The following DLG1 variants were observed in gnomAD, a reference collection of about 807,000 sequenced individuals.
DLG1 encodes disks large homolog 1.
In DLG1, 42 loss-of-function variants were observed where a neutral mutation model predicts 123.4. The ratio of observed to expected loss-of-function variants is 0.34; its 90% CI spans 0.27 to 0.44. The LOEUF (loss-of-function observed/expected upper bound fraction) is 0.44. DLG1 is among the 20% of genes least tolerant of loss of function. The probability of loss-of-function intolerance (pLI) is 1.00; values close to 1 mark genes in which losing one functional copy is unlikely to be tolerated. For missense variants in DLG1, 942 were observed against 1,082.6 expected (o/e 0.87, Z 1.82); for synonymous variants, 317 against 356.2 (o/e 0.89, Z 1.24).
intron 5 of DLG1, among the ~76,000 whole-genome samples, chr3:197,164,953 A>G (rs550787832): frequency 1.3e-5 from 2 of 152,110 alleles, no homozygotes; most frequent in African/African-American, 4.8e-5. Context: ...AAAGAAAATT[A>G]TATGAGATTA....
At chr3:197,240,667 T>A (rs1223852306) in intron 4 of DLG1, among the ~76,000 whole-genome samples, 2 of 152,068 alleles carry the variant, frequency 1.3e-5, no homozygotes, top group East Asian at 1.9e-4. Context: ...CAGGAAATTT[T>A]AAAAAGAGAT....
At chr3:197,131,172 T>C (rs561539676) in intron 10 of DLG1, among the ~76,000 whole-genome samples, 2 of 152,336 alleles carry the variant, frequency 1.3e-5, no homozygotes, top group African/African-American at 4.8e-5. Context: ...TATTCCCATA[T>C]TTAGATTGGA....
chr3:197,074,008 A>C (rs1357018645), intron 18 of DLG1, among the ~76,000 whole-genome samples: 2 of 152,102 alleles, frequency 1.3e-5, no homozygotes, highest in Non-Finnish European at 2.9e-5. Flanking sequence ...TTAACTTCAG[A>C]ATGTAAGTAA....
chr3:197,116,124 T>A, intron 12 of DLG1, 41 bp from the exon 13 acceptor site: 1 of 1,536,044 alleles, frequency 6.5e-7, no homozygotes. Flanking sequence ...AAATTTTATA[T>A]AAAACCTGAC....
intron 4 of DLG1, among the ~76,000 whole-genome samples, chr3:197,200,315 A>G (rs1724967283): frequency 6.6e-6 from 1 of 152,314 alleles, no homozygotes; most frequent in Non-Finnish European, 1.5e-5. Flanking sequence ...AATACTTATT[A>G]TTTCAGTAGT....
chr3:197,074,785 C>T (rs1204209902), intron 18 of DLG1, among the ~76,000 whole-genome samples: 2 of 151,946 alleles, frequency 1.3e-5, no homozygotes, highest in Non-Finnish European at 2.9e-5. Context: ...ACTTAAATCA[C>T]TATGGTTGAA....
chr3:197,237,397 A>G (rs1405013003), intron 4 of DLG1, among the ~76,000 whole-genome samples: 1 of 152,202 alleles, frequency 6.6e-6, no homozygotes, highest in Non-Finnish European at 1.5e-5. Context: ...TGTGCCAAAA[A>G]AGAGAGACAC....
At chr3:197,256,577 G>A (rs1756968730) in intron 4 of DLG1, among the ~76,000 whole-genome samples, 1 of 152,160 alleles carries the variant, frequency 6.6e-6, no homozygotes, top group African/African-American at 2.4e-5. Flanking sequence ...TAATAAACAT[G>A]CAAAGATTTA....
At position 197,080,283 on chromosome 3, in the gene DLG1, T is replaced by C. The variant is rs1750140776; in HGVS notation, c.1905+768A>G. 1.8e-5 allele frequency among the ~76,000 whole-genome samples: 2 copies of C among 111,886 alleles called. 1 individual carries two copies. The highest frequency in any genetic ancestry group is 3.6e-5 in the Non-Finnish European group (2 of 54,806). 73.4% of individuals were successfully genotyped at this position (111,886 alleles called of 152,430 possible). A position where few individuals can be genotyped will look rare whatever the true frequency, so the allele number is the denominator to read the frequency against. ...ATATATTTCCTTTTTTTTTTTTTTT[T>C]TTTTTTTTTTTTTGAGACAGGGTCT... On this transcript the variant is annotated intron_variant, in intron 17 of 24. Coordinates refer to ENST00000667157, the MANE Select transcript of DLG1 (RefSeq NM_001366207.1).
rs149572893 is a variant in DLG1, at chr3:197,175,586, T to C, written c.483+18839A>G. Among the ~76,000 whole-genome samples, 38 of 152,330 alleles carry C rather than the reference T, an allele frequency of 2.5e-4. No homozygotes were observed. In the East Asian group the frequency reaches 6.5e-3, roughly 26 times the overall value. ...CCAACAATATTTAGAAGTTCCAAAC[T>C]TCCACTTCGTCAACAGCAGATTAAA... On this transcript the variant is annotated intron_variant, in intron 5 of 24. Transcript: ENST00000667157.
At chr3:197,102,137 A>G (rs1242895962) in intron 14 of DLG1, among the ~76,000 whole-genome samples, 1 of 152,228 alleles carries the variant, frequency 6.6e-6, no homozygotes. Context: ...GGAATTAATA[A>G]AACTGAAAGG....
rs149836936 is a variant in DLG1 at position 197,146,272 on chromosome 3, C to G, written c.537+3471G>C. On this transcript the variant is annotated intron_variant, in intron 6 of 24. Transcript: ENST00000667157. ...AATGCAATTCCCACCAAAATACCAC[C>G]ATCATTCTTCACAGAACTAGAGAAA... 3.7e-3 allele frequency among the ~76,000 whole-genome samples: 559 copies of G among 152,110 alleles called. 4 individuals are homozygous for G. Among genetic ancestry groups the G allele is most frequent in the African/African-American group, 0.013 (540 of 41,500 alleles).
At chr3:197,186,453 T>A (rs1385813521) in intron 5 of DLG1, among the ~76,000 whole-genome samples, 1 of 152,244 alleles carries the variant, frequency 6.6e-6, no homozygotes, top group Non-Finnish European at 1.5e-5. Flanking sequence ...ATATTCTTTT[T>A]TCCGTAATGT....
chr3:197,095,672 T>C (rs954826216), intron 14 of DLG1, among the ~76,000 whole-genome samples: 5 of 152,264 alleles, frequency 3.3e-5, no homozygotes, highest in African/African-American at 4.8e-5. Flanking sequence ...GTTTCTCTAC[T>C]GTAAAGTTAC....
At chr3:197,069,478 C>T in intron 18 of DLG1, 2 of 367,374 alleles carry the variant, frequency 5.4e-6, no homozygotes, top group Non-Finnish European at 9.7e-6. Context: ...TTGTACAACA[C>T]AGTTTATGAA....
chr3:197,288,651 G>A (rs1475820739), intron 3 of DLG1, among the ~76,000 whole-genome samples: 4 of 149,598 alleles, frequency 2.7e-5, no homozygotes, highest in Non-Finnish European at 5.9e-5. Context: ...AACCTAGGAG[G>A]CGGAGGTTGT....
intron 12 of DLG1, among the ~76,000 whole-genome samples, chr3:197,118,897 G>A (rs1457054533): frequency 6.6e-6 from 1 of 152,110 alleles, no homozygotes; most frequent in African/African-American, 2.4e-5. Flanking sequence ...TTAGTACCTA[G>A]GGAGGCAGAT....
At chr3:197,183,636 G>C in intron 5 of DLG1, 1 of 1,550,528 alleles carries the variant, frequency 6.4e-7, no homozygotes, top group Non-Finnish European at 8.7e-7. Flanking sequence ...AGTGAAAAAT[G>C]CAACTATCTG....
At chr3:197,180,374 G>A (rs369653069) in intron 5 of DLG1, among the ~76,000 whole-genome samples, 2 of 152,096 alleles carry the variant, frequency 1.3e-5, no homozygotes, top group Admixed American at 1.3e-4. Flanking sequence ...GGACGGGGCC[G>A]ATTATTGAGT....
Sources: gnomAD v4.1 joint callset for allele counts (sites outside exome capture counted in the v4.1 genomes callset) on GRCh38, gnomAD v4.1.1 for gene constraint, MANE v1.5 for transcripts, NCBI Gene and HGNC (gene_info 2026-07-23, HGNC 2026-07-21) for gene names.